The following IGBP1 variants were observed in gnomAD, a reference collection of about 807,000 sequenced individuals.
IGBP1 encodes the protein immunoglobulin binding protein 1, also known as immunoglobulin-binding protein 1.
Under a neutral mutation model 25.9 loss-of-function variants are expected in IGBP1, and 2 were observed. The observed-to-expected ratio is 0.08, with a 90% CI of 0.03 to 0.24. IGBP1 has a LOEUF of 0.24. IGBP1 is among the 10% of genes least tolerant of loss of function. The probability of loss-of-function intolerance (pLI) is 1.00; values close to 1 mark genes in which losing one functional copy is unlikely to be tolerated. For synonymous variants in IGBP1, 96 were observed against 93.4 expected (o/e 1.03, Z -0.16); for missense variants, 187 against 260.4 (o/e 0.72, Z 1.94).
intron 3 of IGBP1, among the ~76,000 whole-genome samples, chrX:70,144,308 A>G (rs2085151383): frequency 8.9e-6 from 1 of 112,187 alleles, no homozygotes; most frequent in Admixed American, 9.5e-5. Flanking sequence ...AAAAGAAACA[A>G]AAGAACCTTA....
Position 70,147,852 on chromosome X carries a change from T to C in IGBP1, c.679-909T>C, listed in dbSNP as rs183763447. The stretch of plus-strand genomic sequence containing the variant: ...TTATTTAAGTCCTCAGAGAAACCTC[T>C]TCCTAATTTGATTTGTACTAATTAG... On this transcript the variant is annotated intron_variant, in intron 4 of 6. Coordinates refer to ENST00000356413, the MANE Select transcript of IGBP1 (RefSeq NM_001551.3). Among the ~76,000 whole-genome samples, 6 of 112,387 alleles carry C rather than the reference T, an allele frequency of 5.3e-5. No individual in the cohort carries two copies. In the Admixed American group the frequency reaches 5.6e-4, roughly 11 times the overall value.
At position 70,152,198 on chromosome X, in the gene IGBP1, A is replaced by T. The variant is rs372552151; in HGVS notation, c.871+1876A>T. On this transcript the variant is annotated intron_variant, in intron 6 of 6. Transcript: ENST00000356413. ...AGAGAACCACAGAGAAGATGCCCTG[A>T]TTCTGTATATAAACCCTACTGAAAT... Among the ~76,000 whole-genome samples the T allele has an allele frequency of 1.2e-4, 13 of 111,359 alleles. No homozygotes were observed. The South Asian group carries it at 2.3e-3, about 20-fold the overall frequency.
In IGBP1 at chrX:70,138,136, A is replaced by C. The variant is rs2085108193; in HGVS notation, c.482+3320A>C. Reference sequence around the variant, plus strand: ...CAGTAATGGAATGAGACTGTGTCTCAAAAAAAAAGAACATAAATGGTATTT... The same window carrying C: ...CAGTAATGGAATGAGACTGTGTCTCCAAAAAAAAGAACATAAATGGTATTT... On this transcript the variant is annotated intron_variant, in intron 3 of 6. Coordinates refer to ENST00000356413, the MANE Select transcript of IGBP1 (RefSeq NM_001551.3). 2.8e-5 allele frequency among the ~76,000 whole-genome samples: 3 copies of C among 109,056 alleles called. No individual in the cohort carries two copies. The Admixed American group carries it at 3.0e-4, about 11-fold the overall frequency. The allele number at this position is 109,056 out of a possible 115,157, so 94.7% of individuals were successfully genotyped here.
At chrX:70,154,829 C>T (rs1490934187) in intron 6 of IGBP1, among the ~76,000 whole-genome samples, 1 of 107,426 alleles carries the variant, frequency 9.3e-6, no homozygotes, top group Non-Finnish European at 1.9e-5. Context: ...CCTGTGAGGT[C>T]GAGGCTGCAG....
intron 3 of IGBP1, among the ~76,000 whole-genome samples, chrX:70,136,688 TTC>T (rs768230589): frequency 9.9e-6 from 1 of 101,288 alleles, no homozygotes; most frequent in East Asian, 2.9e-4. Flanking sequence ...AGAGTTCTGT[TTC>T]TTTTTTCTTT....
At chrX:70,160,329 A>G (rs2085264676) in intron 6 of IGBP1, among the ~76,000 whole-genome samples, 1 of 111,793 alleles carries the variant, frequency 8.9e-6, no homozygotes, top group Non-Finnish European at 1.9e-5. Flanking sequence ...AACTTTAAAG[A>G]AAAAAAAGCC....
At position 70,133,965 on chromosome X, in the gene IGBP1, G is replaced by C; in HGVS notation, c.18G>C (p.Glu6Asp). The C allele has an allele frequency of 8.3e-7, 1 of 1,211,515 alleles. No homozygotes were observed. Residue 6 changes from glutamate (E) to aspartate (D), a missense_variant, in exon 2 of 7, where the codon GAG (glutamate) becomes GAC (aspartate). Glu to Asp is a conservative substitution (Grantham distance 45). Transcript: ENST00000356413. ...TCCCCAAGATGGCTGCTGAGGACGA[G>C]TTACAGCTGCCGCGGCTCCCCGAGC... MAAED[E>D]LQLPRLPELF...
chrX:70,142,213 C>A (rs1245418440), intron 3 of IGBP1, among the ~76,000 whole-genome samples: 2 of 111,299 alleles, frequency 1.8e-5, no homozygotes, highest in African/African-American at 6.6e-5. Context: ...CACCTGTAGT[C>A]CCAGCCACTC....
intron 6 of IGBP1, among the ~76,000 whole-genome samples, chrX:70,159,264 T>C (rs1239445416): frequency 9.0e-6 from 1 of 111,580 alleles, no homozygotes; most frequent in Admixed American, 9.5e-5. Context: ...AAACAGGGTT[T>C]GAGGAAAAGT....
intron 6 of IGBP1, among the ~76,000 whole-genome samples, chrX:70,151,466 G>A (rs1008449505): frequency 1.1e-4 from 12 of 111,483 alleles, no homozygotes; most frequent in African/African-American, 3.3e-4. Context: ...ATCAGCCACC[G>A]CGCTCAGCTT....
chrX:70,137,462 A>G (rs2085101770), intron 3 of IGBP1, among the ~76,000 whole-genome samples: 1 of 111,165 alleles, frequency 9.0e-6, no homozygotes, highest in African/African-American at 3.3e-5. Context: ...ATATTTATTA[A>G]TTGCTTCCTG....
intron 5 of IGBP1, chrX:70,149,419 C>T (rs890159206): frequency 6.7e-4 from 75 of 112,326 alleles, no homozygotes; most frequent in Non-Finnish European, 1.1e-3. Flanking sequence ...TTTGGGAGGT[C>T]GAGGCAGGTG....
intron 6 of IGBP1, among the ~76,000 whole-genome samples, chrX:70,153,673 T>G (rs1448765539): frequency 8.9e-6 from 1 of 111,901 alleles, no homozygotes; most frequent in Non-Finnish European, 1.9e-5. Flanking sequence ...TTTCTGAGGG[T>G]GAGGAATTCA....
chrX:70,160,943 A>C (rs1327054703), intron 6 of IGBP1, among the ~76,000 whole-genome samples: 1 of 112,020 alleles, frequency 8.9e-6, no homozygotes, highest in Non-Finnish European at 1.9e-5. Context: ...TTTTAATGTG[A>C]AAGAATACAG....
In IGBP1 at chrX:70,134,014, C is replaced by T. The variant is rs781732998; in HGVS notation, c.67C>T (p.Leu23=). Residue 23 remains leucine (L), a synonymous_variant, in exon 2 of 7, where the codon CTG becomes TTG. Coordinates refer to ENST00000356413, the MANE Select transcript of IGBP1 (RefSeq NM_001551.3). ...GCTGTTCGAAACTGGTAGACAGTTA[C>T]TGGACGAAGTAGAAGTGGCGACTGA... ...PELFETGRQL[L]DEVEVATEPA... 6 of 1,211,600 alleles carry T rather than the reference C, an allele frequency of 5.0e-6. No individual in the cohort carries two copies. Among genetic ancestry groups the T allele is most frequent in the Non-Finnish European group, 2.2e-6 (2 of 895,090 alleles).
intron 6 of IGBP1, among the ~76,000 whole-genome samples, chrX:70,155,326 C>A (rs985086414): frequency 2.7e-5 from 3 of 110,284 alleles, no homozygotes; most frequent in African/African-American, 9.9e-5. Context: ...GAAACCCCAT[C>A]TATACTAAAA....
At chrX:70,143,340 A>C (rs1197856287) in intron 3 of IGBP1, among the ~76,000 whole-genome samples, 1 of 112,409 alleles carries the variant, frequency 8.9e-6, no homozygotes, top group African/African-American at 3.2e-5. Context: ...GGCCAGTTAC[A>C]GAGATTTTAT....
intron 6 of IGBP1, among the ~76,000 whole-genome samples, chrX:70,150,638 C>G (rs902329677): frequency 9.0e-6 from 1 of 111,571 alleles, no homozygotes; most frequent in African/African-American, 3.3e-5. Context: ...CAGGCCAGCC[C>G]CTCATACAGG....
chrX:70,159,376 T>C (rs2085258721), intron 6 of IGBP1, among the ~76,000 whole-genome samples: 2 of 111,766 alleles, frequency 1.8e-5, no homozygotes, highest in Non-Finnish European at 3.8e-5. Context: ...TAAAAGTTAA[T>C]ATTAAGGAAA....
Sources: allele counts gnomAD v4.1 joint callset (sites outside exome capture counted in the v4.1 genomes callset), GRCh38; gene constraint gnomAD v4.1.1; transcripts MANE v1.5; gene names NCBI Gene and HGNC (gene_info 2026-07-23, HGNC 2026-07-21).